Variants in RANBP2 observed in about 807,000 individuals in gnomAD.
RANBP2 encodes the protein RAN binding protein 2, also known as E3 SUMO-protein ligase RanBP2.
RANBP2 carries 57 observed loss-of-function variants against 303.6 expected under a neutral mutation model. The observed-to-expected ratio is 0.19, with a 90% CI of 0.15 to 0.23. The LOEUF is 0.23. RANBP2 is among the 10% of genes least tolerant of loss of function. RANBP2 has a pLI of 1.00. For synonymous variants in RANBP2, 1,167 were observed against 1,301.5 expected (o/e 0.90, Z 2.23); for missense variants, 3,138 against 3,780.8 (o/e 0.83, Z 4.46).
At chr2:109,013,958 G>T in the RANBP2 span, among the ~76,000 whole-genome samples, 3 of 152,272 alleles carry the variant, frequency 2.0e-5, no homozygotes, top group Non-Finnish European at 1.5e-5. Context: ...GTAAATTACA[G>T]TTATTTTGCT....
intron 20 of RANBP2, among the ~76,000 whole-genome samples, chr2:108,768,943 A>G (rs1238661044): frequency 6.6e-6 from 1 of 151,916 alleles, no homozygotes; most frequent in Non-Finnish European, 1.5e-5. Context: ...CTGAGGCAGG[A>G]GGATCACTTG....
the RANBP2 span, among the ~76,000 whole-genome samples, chr2:109,036,012 C>T: frequency 2.0e-5 from 3 of 152,138 alleles, no homozygotes; most frequent in Non-Finnish European, 4.4e-5. Flanking sequence ...GAAGATAGAA[C>T]TTAGAATCAC....
chr2:109,398,739 C>G, the RANBP2 span: 12 of 1,613,506 alleles, frequency 7.4e-6, no homozygotes, highest in Non-Finnish European at 1.0e-5. Flanking sequence ...CGGTCAGTGC[C>G]TTTCAGCGGC....
the RANBP2 span, chr2:109,129,694 C>T: frequency 3.9e-6 from 6 of 1,530,530 alleles, no homozygotes; most frequent in Non-Finnish European, 5.2e-6. Flanking sequence ...GTCGTCGCTG[C>T]TGGACCTGCT....
the RANBP2 span, among the ~76,000 whole-genome samples, chr2:108,903,989 A>G: frequency 4.5e-3 from 689 of 152,292 alleles, 4 homozygotes; most frequent in African/African-American, 0.016. Flanking sequence ...ACATCATTCT[A>G]TGAAAGACCC....
intron 1 of RANBP2, among the ~76,000 whole-genome samples, chr2:108,721,941 T>C (rs1376776422): frequency 2.0e-5 from 3 of 152,040 alleles, no homozygotes; most frequent in Admixed American, 2.0e-4. Context: ...TCTTATCATG[T>C]TACCCAGGCT....
At chr2:109,615,205 G>T in the RANBP2 span, 1 of 1,547,222 alleles carries the variant, frequency 6.5e-7, no homozygotes, top group Non-Finnish European at 8.7e-7. Context: ...GGCAGAGGCG[G>T]GGGCGACTCA....
chr2:109,656,532 G>A, the RANBP2 span, among the ~76,000 whole-genome samples: 16 of 152,158 alleles, frequency 1.1e-4, no homozygotes, highest in Admixed American at 7.9e-4. Context: ...TAGAGACAGG[G>A]TTTCACCATG....
At chr2:109,252,338 C>T in the RANBP2 span, among the ~76,000 whole-genome samples, 81 of 152,130 alleles carry the variant, frequency 5.3e-4, no homozygotes, top group African/African-American at 1.6e-3. Context: ...CAACAGAAGC[C>T]GGGTTTATTT....
the RANBP2 span, among the ~76,000 whole-genome samples, chr2:109,269,105 A>G: frequency 6.6e-6 from 1 of 152,168 alleles, no homozygotes; most frequent in African/African-American, 2.4e-5. Context: ...CAAGGGCCGC[A>G]CGTGGATTTT....
At chr2:109,647,150 CCT>C in the RANBP2 span, among the ~76,000 whole-genome samples, 1 of 142,828 alleles carries the variant, frequency 7.0e-6, no homozygotes. Flanking sequence ...CAATGGCTCT[CCT>C]CACTTTTTTT....
At chr2:108,969,380 G>A in the RANBP2 span, among the ~76,000 whole-genome samples, 8 of 152,152 alleles carry the variant, frequency 5.3e-5, no homozygotes, top group Non-Finnish European at 1.2e-4. Context: ...AAGTTCGGAT[G>A]GTTGTATCTC....
intron 18 of RANBP2, among the ~76,000 whole-genome samples, chr2:108,761,247 T>C (rs1284528532): frequency 6.7e-6 from 1 of 150,284 alleles, no homozygotes; most frequent in Non-Finnish European, 1.5e-5. Flanking sequence ...AATTTCAAAA[T>C]AGCTATCCTC....
the RANBP2 span, among the ~76,000 whole-genome samples, chr2:108,791,338 TTATGTA>T: frequency 6.6e-6 from 1 of 152,168 alleles, no homozygotes; most frequent in South Asian, 2.1e-4. Flanking sequence ...TTTAGTTTAC[TTATGTA>T]TATTATTTTA....
the RANBP2 span, among the ~76,000 whole-genome samples, chr2:109,242,871 C>T: frequency 6.6e-6 from 1 of 152,156 alleles, no homozygotes; most frequent in South Asian, 2.1e-4. Flanking sequence ...ATTATCTATT[C>T]TCACAAAGGG....
At chr2:109,129,535 TC>T in the RANBP2 span, 1 of 1,495,314 alleles carries the variant, frequency 6.7e-7, no homozygotes. Context: ...TGCGGGCGCC[TC>T]CCCCATGCTG....
chr2:109,474,863 C>T, the RANBP2 span, among the ~76,000 whole-genome samples: 2 of 152,376 alleles, frequency 1.3e-5, no homozygotes, highest in South Asian at 4.1e-4. Flanking sequence ...ACTCATAGTC[C>T]AGCAACCCTC....
At chr2:108,812,554 A>G in the RANBP2 span, 8 of 1,018,560 alleles carry the variant, frequency 7.9e-6, no homozygotes, top group Non-Finnish European at 7.7e-6. Flanking sequence ...ACCAGATTAG[A>G]TAGTAGATTG....
chr2:109,598,831 G>A, the RANBP2 span, among the ~76,000 whole-genome samples: 1 of 151,730 alleles, frequency 6.6e-6, no homozygotes, highest in African/African-American at 2.4e-5. Flanking sequence ...AGTGAGCCCA[G>A]ATCACACCAC....
Sources: allele counts gnomAD v4.1 joint callset (sites outside exome capture counted in the v4.1 genomes callset), GRCh38; gene constraint gnomAD v4.1.1; transcripts MANE v1.5; gene names NCBI Gene and HGNC (gene_info 2026-07-23, HGNC 2026-07-21).